The following GABPB2 variants were observed in gnomAD, a reference collection of about 807,000 sequenced individuals.
GABPB2 encodes the protein GA-binding protein subunit beta-2.
GABPB2 carries 23 observed loss-of-function variants against 39.1 expected under a neutral mutation model. The ratio of observed to expected loss-of-function variants is 0.59; its 90% CI spans 0.42 to 0.83. The LOEUF (loss-of-function observed/expected upper bound fraction) is 0.83. GABPB2 is among the 40% of genes least tolerant of loss of function. The pLI is 0.00. For missense variants in GABPB2, 467 were observed against 541.1 expected (o/e 0.86, Z 1.36); for synonymous variants, 184 against 199.3 (o/e 0.92, Z 0.65).
intron 1 of GABPB2, among the ~76,000 whole-genome samples, chr1:151,071,597 G>A (rs1676728416): frequency 6.6e-6 from 1 of 151,928 alleles, no homozygotes. Flanking sequence ...AGCCTCCCGA[G>A]TAGCTGGGAT....
intron 3 of GABPB2, among the ~76,000 whole-genome samples, chr1:151,091,466 A>C (rs11589888): frequency 0.61 from 5,245 of 8,658 alleles, 1,420 homozygotes; most frequent in East Asian, 0.74. Flanking sequence ...CCTGTGTCTC[A>C]AAAAAAAAAA....
rs1448126734 is a variant in GABPB2 at position 151,124,172 on chromosome 1, T to C, written c.*5916T>C. On this transcript the variant is annotated 3_prime_UTR_variant, in exon 9 of 9. Coordinates refer to ENST00000368918, the MANE Select transcript of GABPB2 (RefSeq NM_144618.3). ...TTTTTTTTCTTTTTTCTTTTCTTTT[T>C]TTTTTTTTAAACAGAGTCTCTCTCT... 1 of 150,604 alleles carries C rather than the reference T, an allele frequency of 6.6e-6. No individual in the cohort carries two copies. The highest frequency in any genetic ancestry group is 1.9e-4 in the East Asian group (1 of 5,180). The allele number at this position is 150,604 out of a possible 1,614,324, so 9.3% of individuals were successfully genotyped here. A position where few individuals can be genotyped will look rare whatever the true frequency, so the allele number is the denominator to read the frequency against.
intron 1 of GABPB2, among the ~76,000 whole-genome samples, chr1:151,074,140 T>A (rs1269860578): frequency 2.0e-5 from 3 of 150,338 alleles, no homozygotes; most frequent in Admixed American, 6.7e-5. Context: ...GGCGCCCGGC[T>A]AATTTTTTGT....
chr1:151,071,486 T>C (rs959076606), intron 1 of GABPB2, among the ~76,000 whole-genome samples: 39 of 134,112 alleles, frequency 2.9e-4, no homozygotes, highest in Non-Finnish European at 5.6e-4. Flanking sequence ...TGAGTCTTGC[T>C]CTGTCACCCA....
rs1310651450 is a variant in GABPB2 at position 151,122,710 on chromosome 1, C to T, written c.*4454C>T. On this transcript the variant is annotated 3_prime_UTR_variant, in exon 9 of 9. Coordinates refer to ENST00000368918, the MANE Select transcript of GABPB2 (RefSeq NM_144618.3). The stretch of plus-strand genomic sequence containing the variant: ...CCACTTTTTTGGGGGAATTCTTTAG[C>T]AGATCTTATTGTTCTTTCTGCAGAA... The T allele has an allele frequency of 6.6e-6, 1 of 152,008 alleles. No homozygotes were observed. The highest frequency in any genetic ancestry group is 2.4e-5 in the African/African-American group (1 of 41,370). 9.4% of individuals were successfully genotyped at this position (152,008 alleles called of 1,614,324 possible). A position where few individuals can be genotyped will look rare whatever the true frequency, so the allele number is the denominator to read the frequency against.
intron 6 of GABPB2, among the ~76,000 whole-genome samples, chr1:151,104,797 C>CTTTG (rs1558151426): frequency 3.9e-4 from 21 of 54,066 alleles, no homozygotes. Context: ...TTCTTTCTTT[C>CTTTG]TTTCTTTTCT....
At chr1:151,091,729 G>A (rs1441648645) in intron 3 of GABPB2, among the ~76,000 whole-genome samples, 1 of 151,700 alleles carries the variant, frequency 6.6e-6, no homozygotes, top group Non-Finnish European at 1.5e-5. Context: ...TGCCTGCCTC[G>A]GACTCCCAAA....
chr1:151,103,804 T>A (rs759264826), intron 6 of GABPB2, 129 bp downstream of exon 6: 3 of 629,532 alleles, frequency 4.8e-6, no homozygotes, highest in Non-Finnish European at 8.2e-6. Context: ...GGAAAAGGGA[T>A]GTGGCATCAT....
Position 151,070,895 on chromosome 1 carries a change from G to T in GABPB2, c.-40G>T, listed in dbSNP as rs587618752. ...GAAGGAAACGGGACTAAACTGGCGG[G>T]CTCCGTGGAAGCGTGGCCGGCAGCG... On this transcript the variant is annotated 5_prime_UTR_variant, in exon 1 of 9. Transcript: ENST00000368918. The T allele has an allele frequency of 6.6e-6, 1 of 152,250 alleles. No homozygotes were observed. The highest frequency in any genetic ancestry group is 1.5e-5 in the Non-Finnish European group (1 of 68,074). 9.4% of individuals were successfully genotyped at this position (152,250 alleles called of 1,614,324 possible). A position where few individuals can be genotyped will look rare whatever the true frequency, so the allele number is the denominator to read the frequency against.
At chr1:151,107,320 A>T in intron 7 of GABPB2, 98 bp downstream of exon 7, 2 of 743,746 alleles carry the variant, frequency 2.7e-6, no homozygotes, top group Non-Finnish European at 3.8e-6. Context: ...TGGAAGTGGG[A>T]GATTGCCAGA....
intron 7 of GABPB2, among the ~76,000 whole-genome samples, chr1:151,116,524 A>G (rs1401694161): frequency 1.3e-5 from 2 of 152,104 alleles, no homozygotes; most frequent in Non-Finnish European, 2.9e-5. Flanking sequence ...GGTACAGATA[A>G]TGGCTATTGG....
At chr1:151,075,641 G>A (rs57342800) in intron 1 of GABPB2, among the ~76,000 whole-genome samples, 4,754 of 151,016 alleles carry the variant, frequency 0.031, 258 homozygotes, top group African/African-American at 0.11. Flanking sequence ...CCTGGGAGGC[G>A]GAAGTTGCAG....
chr1:151,115,134 G>A (rs913554879), intron 7 of GABPB2, among the ~76,000 whole-genome samples: 3 of 152,104 alleles, frequency 2.0e-5, no homozygotes, highest in Admixed American at 6.6e-5. Context: ...CCAAACTTGG[G>A]CGGATCACCT....
intron 1 of GABPB2, among the ~76,000 whole-genome samples, chr1:151,071,453 C>CTTTTTTTTTTTTTTTTTTT (rs71090124): frequency 9.9e-6 from 1 of 100,506 alleles, no homozygotes; most frequent in South Asian, 3.4e-4. Flanking sequence ...CTTTTTTGCT[C>CTTTTTTTTTTTTTTTTTTT]TTTTTTTTTT....
Position 151,098,179 on chromosome 1 carries a change from C to G in GABPB2, c.622+177C>G, listed in dbSNP as rs587750371. On this transcript the variant is annotated intron_variant, in intron 5 of 8. Transcript: ENST00000368918. The stretch of plus-strand genomic sequence containing the variant: ...TTATTCTTTCTGGGGAAGGGAAGAT[C>G]ATACATAGGGATTACAAAGGAATAC... Among the ~76,000 whole-genome samples, 3 of 152,240 alleles carry G rather than the reference C, an allele frequency of 2.0e-5. No individual in the cohort carries two copies. In the East Asian group the frequency reaches 5.8e-4, roughly 29 times the overall value.
At chr1:151,090,955 G>A (rs1420165396) in intron 3 of GABPB2, among the ~76,000 whole-genome samples, 1 of 150,738 alleles carries the variant, frequency 6.6e-6, no homozygotes, top group Non-Finnish European at 1.5e-5. Context: ...GCAAGATCAC[G>A]CCACTGCACT....
At position 151,118,278 on chromosome 1, in the gene GABPB2, A is replaced by T; in HGVS notation, c.*22A>T. 1 of 1,599,744 alleles carries T rather than the reference A, an allele frequency of 6.3e-7. No homozygotes were observed. ...TTAATATGCAAGGGCCACAATTTGC[A>T]CTGTGTTCATATTAATCCTCTTTTA... is the stretch of plus-strand genomic sequence containing the variant. On this transcript the variant is annotated 3_prime_UTR_variant, in exon 9 of 9. Transcript: ENST00000368918.
At chr1:151,096,424 TAAAAAG>T (rs1053915115) in intron 4 of GABPB2, among the ~76,000 whole-genome samples, 1 of 151,292 alleles carries the variant, frequency 6.6e-6, no homozygotes, top group African/African-American at 2.4e-5. Context: ...CAAAAAAAAA[TAAAAAG>T]AGAGAGAGAG....
chr1:151,087,330 G>C (rs1483073040), intron 1 of GABPB2, among the ~76,000 whole-genome samples: 2 of 151,852 alleles, frequency 1.3e-5, no homozygotes, highest in Non-Finnish European at 2.9e-5. Context: ...TTACACGATA[G>C]TCAGAAGATA....
Sources: allele counts gnomAD v4.1 joint callset (sites outside exome capture counted in the v4.1 genomes callset), GRCh38; gene constraint gnomAD v4.1.1; transcripts MANE v1.5; gene names NCBI Gene and HGNC (gene_info 2026-07-23, HGNC 2026-07-21).